Variants in ZFYVE9 observed in about 807,000 individuals in gnomAD.
ZFYVE9 encodes the protein zinc finger FYVE domain-containing protein 9.
A neutral mutation model predicts 126.7 loss-of-function variants in ZFYVE9; 43 were observed. The ratio of observed to expected loss-of-function variants is 0.34; its 90% CI spans 0.27 to 0.44. The LOEUF (loss-of-function observed/expected upper bound fraction) is 0.44, where lower values mean the gene tolerates loss of function less well. Ranked by LOEUF, ZFYVE9 falls within the 20% of genes least tolerant of loss-of-function variation. The pLI, the probability that ZFYVE9 is intolerant of heterozygous loss-of-function variation, is 1.00. For missense variants in ZFYVE9, 1,476 were observed against 1,697.0 expected (o/e 0.87, Z 2.29); for synonymous variants, 521 against 597.4 (o/e 0.87, Z 1.87).
intron 1 of ZFYVE9, among the ~76,000 whole-genome samples, chr1:52,155,039 T>C (rs1371219179): frequency 6.6e-6 from 1 of 152,192 alleles, no homozygotes; most frequent in Non-Finnish European, 1.5e-5. Context: ...CTTTTGGTTC[T>C]GTTTCATTTT....
At chr1:52,273,818 C>CAAAAAAAAAAAAAAAAAAAAA (rs61193193) in intron 7 of ZFYVE9, among the ~76,000 whole-genome samples, 1 of 75,572 alleles carries the variant, frequency 1.3e-5, no homozygotes, top group Non-Finnish European at 3.0e-5. Flanking sequence ...GACTCCTTCT[C>CAAAAAAAAAAAAAAAAAAAAA]AAAAAAAAAA....
At position 52,146,583 on chromosome 1, in the gene ZFYVE9, A is replaced by G. The variant is rs978701540; in HGVS notation, c.-143+4180A>G. ...GTCACCTTACAGGATTATTGTAAGT[A>G]TTAAATGATATAATGGGTAAATCAG... On this transcript the variant is annotated intron_variant, in intron 1 of 18. Coordinates refer to ENST00000287727, the MANE Select transcript of ZFYVE9 (RefSeq NM_004799.4). Among the ~76,000 whole-genome samples, 23 of 152,292 alleles carry G rather than the reference A, an allele frequency of 1.5e-4. 1 individual carries two copies. Among genetic ancestry groups the G allele is most frequent in the African/African-American group, 5.3e-4 (22 of 41,580 alleles).
At chr1:52,327,608 A>G (rs572147436) in intron 13 of ZFYVE9, among the ~76,000 whole-genome samples, 3 of 150,470 alleles carry the variant, frequency 2.0e-5, no homozygotes, top group African/African-American at 4.9e-5. Flanking sequence ...TCTCAGAAAA[A>G]AAAAAAGTCT....
At chr1:52,291,608 A>G (rs1468933067) in intron 10 of ZFYVE9, among the ~76,000 whole-genome samples, 1 of 152,174 alleles carries the variant, frequency 6.6e-6, no homozygotes, top group East Asian at 1.9e-4. Context: ...CATGAATTAC[A>G]TGCTCACACC....
chr1:52,254,032 C>G (rs909022108), intron 4 of ZFYVE9: 1 of 759,324 alleles, frequency 1.3e-6, no homozygotes, highest in African/African-American at 1.7e-5. Context: ...GTTAATGATA[C>G]AGATTGCTGT....
chr1:52,186,304 A>T (rs1306480177), intron 1 of ZFYVE9, among the ~76,000 whole-genome samples: 1 of 152,118 alleles, frequency 6.6e-6, no homozygotes, highest in Non-Finnish European at 1.5e-5. Flanking sequence ...TAAACTAGGT[A>T]TTGAAGGAAC....
chr1:52,316,186 A>AAAAAG (rs1557516501), intron 13 of ZFYVE9, among the ~76,000 whole-genome samples: 10 of 147,238 alleles, frequency 6.8e-5, no homozygotes, highest in African/African-American at 2.0e-4. Flanking sequence ...AAAAAAAAAA[A>AAAAAG]AAAAGAAAAG....
At chr1:52,322,215 T>C (rs116631899) in intron 13 of ZFYVE9, among the ~76,000 whole-genome samples, 2,480 of 152,256 alleles carry the variant, frequency 0.016, 32 homozygotes, top group Non-Finnish European at 0.021. Flanking sequence ...TATCAGGAAA[T>C]TCTGCTGCCT....
At chr1:52,302,834 G>T (rs1646048060) in intron 12 of ZFYVE9, among the ~76,000 whole-genome samples, 1 of 151,948 alleles carries the variant, frequency 6.6e-6, no homozygotes, top group African/African-American at 2.4e-5. Flanking sequence ...TCCTGGCCAG[G>T]TGCAGTGGCT....
intron 1 of ZFYVE9, among the ~76,000 whole-genome samples, chr1:52,144,686 A>G (rs1644292261): frequency 6.8e-6 from 1 of 147,078 alleles, no homozygotes; most frequent in African/African-American, 2.5e-5. Context: ...CATTTTTCGT[A>G]GTAAATAATC....
Position 52,239,461 on chromosome 1 carries a change from G to T in ZFYVE9, c.2044G>T (p.Ala682Ser), listed in dbSNP as rs779545853. The T allele has an allele frequency of 1.6e-5, 26 of 1,613,980 alleles. No homozygotes were observed. Among genetic ancestry groups the T allele is most frequent in the African/African-American group, 4.0e-5 (3 of 74,900 alleles). ...CAGAGCTGGTCAGTTTGGAATTTCT[G>T]CCAGAAAGCCATTCACCACTCTGGG... ...DLRAGQFGIS[A>S]RKPFTTLGEV... is the part of the protein sequence containing the mutation. The change falls in exon 4 of 19, where the codon GCC becomes TCC. Residue 682 changes from alanine (A) to serine (S), a missense_variant. Physicochemically the swap from Ala to Ser is moderately conservative, Grantham distance 99. Coordinates refer to ENST00000287727, the MANE Select transcript of ZFYVE9 (RefSeq NM_004799.4).
At chr1:52,280,150 A>T (rs190444949) in intron 9 of ZFYVE9, among the ~76,000 whole-genome samples, 1 of 151,206 alleles carries the variant, frequency 6.6e-6, no homozygotes, top group Admixed American at 6.6e-5. Context: ...GCCAAGGCAG[A>T]TGAATCACTT....
At chr1:52,269,679 C>G (rs1645669613) in intron 7 of ZFYVE9, among the ~76,000 whole-genome samples, 1 of 152,128 alleles carries the variant, frequency 6.6e-6, no homozygotes, top group Non-Finnish European at 1.5e-5. Flanking sequence ...TTTTCTGTGG[C>G]TGCAGAGGGT....
chr1:52,292,469 CTTTT>C (rs1159852399), intron 10 of ZFYVE9, among the ~76,000 whole-genome samples: 5 of 102,032 alleles, frequency 4.9e-5, no homozygotes, highest in Non-Finnish European at 9.9e-5. Context: ...CTGAACATTT[CTTTT>C]TTTTTTTTTT....
At chr1:52,233,339 G>T in intron 3 of ZFYVE9, 63 bp downstream of exon 3, 1 of 1,190,746 alleles carries the variant, frequency 8.4e-7, no homozygotes. Context: ...GGATATAAGA[G>T]GATGTAGTAT....
At chr1:52,172,161 T>G (rs1047060913) in intron 1 of ZFYVE9, among the ~76,000 whole-genome samples, 1 of 152,242 alleles carries the variant, frequency 6.6e-6, no homozygotes, top group African/African-American at 2.4e-5. Flanking sequence ...TTAGTCCATC[T>G]TGAATTAAAT....
chr1:52,193,144 G>C (rs1644830552), intron 1 of ZFYVE9, among the ~76,000 whole-genome samples: 1 of 151,928 alleles, frequency 6.6e-6, no homozygotes, highest in South Asian at 2.1e-4. Flanking sequence ...CAACTTCTGG[G>C]CTCAAACAGT....
At chr1:52,291,051 C>T (rs574693427) in intron 10 of ZFYVE9, among the ~76,000 whole-genome samples, 144 of 152,286 alleles carry the variant, frequency 9.5e-4, no homozygotes, top group African/African-American at 3.0e-3. Flanking sequence ...CATACTGCTA[C>T]GTTGATATGA....
intron 2 of ZFYVE9, among the ~76,000 whole-genome samples, chr1:52,228,789 CTG>C (rs199759096): frequency 3.3e-5 from 5 of 152,034 alleles, no homozygotes; most frequent in African/African-American, 1.2e-4. Flanking sequence ...TTAATTTATG[CTG>C]TGTGTGTGTA....
Sources: allele counts gnomAD v4.1 joint callset (sites outside exome capture counted in the v4.1 genomes callset), GRCh38; gene constraint gnomAD v4.1.1; transcripts MANE v1.5; gene names NCBI Gene and HGNC (gene_info 2026-07-23, HGNC 2026-07-21).